Variants in DLG2 observed in about 807,000 individuals in gnomAD.
DLG2 encodes the protein discs large MAGUK scaffold protein 2, also known as disks large homolog 2.
DLG2 carries 45 observed loss-of-function variants against 132.5 expected under a neutral mutation model. That is an observed-to-expected ratio of 0.34 (90% CI 0.27 to 0.44). DLG2 has a LOEUF of 0.44. DLG2 is among the 20% of genes least tolerant of loss of function. The pLI is 1.00. For missense variants in DLG2, 1,045 were observed against 1,196.9 expected (o/e 0.87, Z 1.87); for synonymous variants, 424 against 419.6 (o/e 1.01, Z -0.13).
chr11:85,165,627 C>G (rs899004148), intron 4 of DLG2, among the ~76,000 whole-genome samples: 1 of 152,178 alleles, frequency 6.6e-6, no homozygotes, highest in Non-Finnish European at 1.5e-5. Flanking sequence ...CTCAGCTCAT[C>G]AGAACACCTT....
intron 6 of DLG2, among the ~76,000 whole-genome samples, chr11:84,707,671 C>T (rs1221601384): frequency 6.6e-6 from 1 of 151,770 alleles, no homozygotes; most frequent in South Asian, 2.1e-4. Flanking sequence ...TCTACTTCTG[C>T]CCTTATGATC....
chr11:85,348,849 T>C (rs543480142), intron 3 of DLG2, among the ~76,000 whole-genome samples: 1 of 152,292 alleles, frequency 6.6e-6, no homozygotes, highest in Admixed American at 6.5e-5. Context: ...TATATCTTGA[T>C]TCACACTCAT....
At chr11:85,297,612 A>G (rs2152784632) in intron 3 of DLG2, among the ~76,000 whole-genome samples, 1 of 152,118 alleles carries the variant, frequency 6.6e-6, no homozygotes, top group Non-Finnish European at 1.5e-5. Context: ...TTTTCATTCC[A>G]TTCATTCTTT....
At chr11:84,695,433 A>C (rs1295303520) in intron 6 of DLG2, among the ~76,000 whole-genome samples, 3 of 151,602 alleles carry the variant, frequency 2.0e-5, no homozygotes, top group Admixed American at 2.0e-4. Flanking sequence ...CCACATTGAA[A>C]GTATTTAACA....
chr11:83,819,534 T>C (rs1344948602), intron 17 of DLG2, among the ~76,000 whole-genome samples: 1 of 144,486 alleles, frequency 6.9e-6, no homozygotes, highest in Admixed American at 6.8e-5. Flanking sequence ...AAAAATATAG[T>C]CTTCATTCTT....
chr11:85,020,916 T>G (rs2060003786), intron 6 of DLG2: 1 of 770,018 alleles, frequency 1.3e-6, no homozygotes, highest in Admixed American at 1.7e-5. Context: ...CTCAGCAGGG[T>G]CATCTGCACC....
At chr11:83,492,684 T>G (rs983133522) in intron 21 of DLG2, among the ~76,000 whole-genome samples, 1 of 152,054 alleles carries the variant, frequency 6.6e-6, no homozygotes. Context: ...GCTGCAAACT[T>G]GCAGGGACGC....
chr11:85,269,424 A>G (rs1275871719), intron 4 of DLG2, among the ~76,000 whole-genome samples: 1 of 152,242 alleles, frequency 6.6e-6, no homozygotes, highest in Non-Finnish European at 1.5e-5. Flanking sequence ...CTTGAACAAC[A>G]AGATTTCTCA....
chr11:83,792,840 AT>A (rs1365749557), intron 17 of DLG2, among the ~76,000 whole-genome samples: 1 of 152,164 alleles, frequency 6.6e-6, no homozygotes, highest in Non-Finnish European at 1.5e-5. Context: ...AAGGATATGA[AT>A]GTCAAATTTT....
intron 6 of DLG2, among the ~76,000 whole-genome samples, chr11:84,854,922 G>T (rs2082591577): frequency 6.6e-6 from 1 of 151,960 alleles, no homozygotes; most frequent in East Asian, 1.9e-4. Flanking sequence ...AGCTCTGTGA[G>T]GGCAGTTGCT....
chr11:84,650,623 C>T (rs1051700950), intron 6 of DLG2, among the ~76,000 whole-genome samples: 13 of 151,982 alleles, frequency 8.6e-5, no homozygotes, highest in African/African-American at 2.9e-4. Context: ...AGGTAAGTAG[C>T]AGATCTTGAC....
intron 18 of DLG2, among the ~76,000 whole-genome samples, chr11:83,742,232 C>A (rs1354930023): frequency 6.6e-6 from 1 of 151,824 alleles, no homozygotes; most frequent in East Asian, 1.9e-4. Flanking sequence ...CACACACACA[C>A]ACACACACAC....
intron 3 of DLG2, among the ~76,000 whole-genome samples, chr11:85,580,245 A>G (rs754791014): frequency 3.3e-5 from 5 of 152,156 alleles, no homozygotes; most frequent in Non-Finnish European, 7.4e-5. Context: ...GTATTTCTTT[A>G]TCAGCAGCAT....
intron 21 of DLG2, among the ~76,000 whole-genome samples, chr11:83,507,776 A>T (rs1322984026): frequency 3.5e-5 from 3 of 84,512 alleles, no homozygotes; most frequent in Admixed American, 1.1e-4. Flanking sequence ...ATATATATAT[A>T]TATATATATA....
intron 15 of DLG2, among the ~76,000 whole-genome samples, chr11:83,889,869 C>G (rs1320864158): frequency 1.4e-5 from 2 of 147,622 alleles, no homozygotes; most frequent in Non-Finnish European, 3.0e-5. Flanking sequence ...AACAAAAAAC[C>G]AAATACCGCA....
intron 20 of DLG2, among the ~76,000 whole-genome samples, chr11:83,534,934 C>T (rs1204434453): frequency 6.6e-6 from 1 of 152,214 alleles, no homozygotes; most frequent in Non-Finnish European, 1.5e-5. Context: ...CACAGCGAGA[C>T]TTCGTCTCCC....
chr11:85,521,041 G>A (rs189740521), intron 3 of DLG2, among the ~76,000 whole-genome samples: 29 of 152,240 alleles, frequency 1.9e-4, no homozygotes, highest in Admixed American at 5.9e-4. Flanking sequence ...AAAAGTTTCC[G>A]CATAGCAAAG....
intron 8 of DLG2, among the ~76,000 whole-genome samples, chr11:84,168,816 C>A (rs1034021555): frequency 4.8e-5 from 6 of 123,800 alleles, no homozygotes; most frequent in African/African-American, 1.9e-4. Flanking sequence ...AATCAACACA[C>A]ACACACACAT....
Position 84,796,252 on chromosome 11 carries a change from A to C in DLG2, c.358-261521T>G, listed in dbSNP as rs140433671. On this transcript the variant is annotated intron_variant, in intron 6 of 27. Transcript: ENST00000376104. ...CACTACTATGTACCAACAAAAATTAAAAATAAATTTAAAAACTAATAAAAA... is the reference window on the plus strand; with the variant it reads ...CACTACTATGTACCAACAAAAATTACAAATAAATTTAAAAACTAATAAAAA... Among the ~76,000 whole-genome samples, 690 of 152,336 alleles carry C rather than the reference A, an allele frequency of 4.5e-3. 4 individuals carry two copies. The highest frequency in any genetic ancestry group is 0.016 in the African/African-American group (653 of 41,570).
Sources: gnomAD v4.1 joint callset for allele counts (sites outside exome capture counted in the v4.1 genomes callset) on GRCh38, gnomAD v4.1.1 for gene constraint, MANE v1.5 for transcripts, NCBI Gene and HGNC (gene_info 2026-07-23, HGNC 2026-07-21) for gene names.